The following IGSF9B variants were observed in gnomAD, a reference collection of about 807,000 sequenced individuals.
The protein encoded by IGSF9B is immunoglobulin superfamily member 9B, also known as protein turtle homolog B.
Under a neutral mutation model 143.7 loss-of-function variants are expected in IGSF9B, and 48 were observed. That is an observed-to-expected ratio of 0.33 (90% CI 0.26 to 0.42). The LOEUF is 0.42. Ranked by LOEUF, IGSF9B falls within the 20% of genes least tolerant of loss-of-function variation. IGSF9B has a pLI of 1.00. For synonymous variants in IGSF9B, 903 were observed against 833.1 expected (o/e 1.08, Z -1.44); for missense variants, 1,706 against 1,980.0 (o/e 0.86, Z 2.63).
intron 3 of IGSF9B, among the ~76,000 whole-genome samples, chr11:133,940,129 CTCGCACGCGTCA>C (rs1177758485): frequency 6.2e-5 from 9 of 146,218 alleles, no homozygotes; most frequent in African/African-American, 2.0e-4. Flanking sequence ...CTCGCACGTC[CTCGCACGCGTCA>C]TCGCACGCAA....
chr11:133,936,588 C>T (rs1045865645), intron 5 of IGSF9B, among the ~76,000 whole-genome samples: 21 of 152,310 alleles, frequency 1.4e-4, no homozygotes, highest in Admixed American at 3.9e-4. Flanking sequence ...GAGGAGTAAG[C>T]AGAGGGTGAA....
In IGSF9B at chr11:133,920,477, G is replaced by T. The variant is rs763616584; in HGVS notation, c.3248C>A (p.Thr1083Asn). Residue 1083 changes from threonine to asparagine, a missense_variant, in exon 18 of 20, where the codon ACC becomes AAC. Transcript: ENST00000533871. ...GTAGGCCGCGGGCACCTGCAGGGAG[G>T]TGGGGGGCAGTCCTCGGGGGAGGCC... ...KAGLPRGLPP[T>N]SLQVPAAYPG... is the part of the protein sequence containing the mutation. The T allele has an allele frequency of 7.6e-6, 12 of 1,574,128 alleles. No homozygotes were observed. Among genetic ancestry groups the T allele is most frequent in the Non-Finnish European group, 9.5e-6 (11 of 1,159,174 alleles).
chr11:133,910,966 A>G (rs1939293327), intron 19 of IGSF9B, among the ~76,000 whole-genome samples: 2 of 152,172 alleles, frequency 1.3e-5, no homozygotes, highest in Non-Finnish European at 2.9e-5. Flanking sequence ...CTGTAAACTG[A>G]AAGTATACTA....
rs1565439834 is a variant in IGSF9B, at chr11:133,935,780, G to A, written c.822-18C>T. On this transcript the variant is annotated intron_variant, in intron 6 of 19. Coordinates refer to ENST00000533871, the MANE Select transcript of IGSF9B (RefSeq NM_001277285.4). ...TCAGGTCGCTGCAAAGCGGCATGGG[G>A]ACAGGGGGTTGGGCGAGCAGAAGGG... The A allele has an allele frequency of 6.2e-7, 1 of 1,608,640 alleles. No individual in the cohort carries two copies. The highest frequency in any genetic ancestry group is 1.7e-5 in the Admixed American group (1 of 59,808).
At chr11:133,914,945 A>G (rs1939354538) in intron 18 of IGSF9B, among the ~76,000 whole-genome samples, 1 of 152,164 alleles carries the variant, frequency 6.6e-6, no homozygotes, top group Non-Finnish European at 1.5e-5. Context: ...CTTGGTGCCA[A>G]TGTCTCAGGT....
At chr11:133,934,446 A>G (rs1939786476) in intron 7 of IGSF9B, among the ~76,000 whole-genome samples, 1 of 151,982 alleles carries the variant, frequency 6.6e-6, no homozygotes. Flanking sequence ...TAACTTCTCA[A>G]CTCGCTTTTT....
In IGSF9B at chr11:133,902,155, ACAC is replaced by A. The variant is rs1939140617; in HGVS notation, c.*6911_*6913del. ...ATGTACCACACCAAACACACCAGAC[ACAC>A]CACACACACCAAACACACACACACC... On this transcript the variant is annotated 3_prime_UTR_variant, in exon 20 of 20. Transcript: ENST00000533871. 6.7e-5 allele frequency among the ~76,000 whole-genome samples: 10 copies of A among 150,376 alleles called. No homozygotes were observed. The highest frequency in any genetic ancestry group is 6.6e-4 in the Admixed American group (10 of 15,098).
At chr11:133,919,323 G>A (rs1438979769) in intron 18 of IGSF9B, among the ~76,000 whole-genome samples, 1 of 152,140 alleles carries the variant, frequency 6.6e-6, no homozygotes, top group East Asian at 1.9e-4. Context: ...GCAGGGGCCG[G>A]GGAAGAAAAG....
intron 3 of IGSF9B, among the ~76,000 whole-genome samples, chr11:133,940,504 T>A (rs1401928089): frequency 2.3e-5 from 3 of 128,418 alleles, no homozygotes; most frequent in Non-Finnish European, 4.7e-5. Context: ...ACCTTGCACA[T>A]CCTCGCACGC....
Position 133,909,351 on chromosome 11 carries a change from T to C in IGSF9B, c.4106-74A>G. The stretch of plus-strand genomic sequence containing the variant: ...GGAAGCACGCAGCCTGCTCACCTTT[T>C]CCACCTGCATTTGTTCCGGGTTTCT... On this transcript the variant is annotated intron_variant, in intron 19 of 19. Transcript: ENST00000533871. This position sits in a 1 kb window ranked among gnomAD's most constrained non-coding sequence, Gnocchi z 4.2. 2 of 1,162,722 alleles carry C rather than the reference T, an allele frequency of 1.7e-6. No homozygotes were observed. Among genetic ancestry groups the C allele is most frequent in the South Asian group, 1.3e-5 (1 of 75,410 alleles). 72.0% of individuals were successfully genotyped at this position (1,162,722 alleles called of 1,614,324 possible). A position where few individuals can be genotyped will look rare whatever the true frequency, so the allele number is the denominator to read the frequency against.
Position 133,925,921 on chromosome 11 carries a change from G to A in IGSF9B, c.1852C>T (p.Pro618Ser). Residue 618 changes from proline to serine, a missense_variant, in exon 14 of 20, where the codon CCG becomes TCG. By Grantham distance (74) the Pro-to-Ser change is moderately conservative. Around this residue, in one of 7 missense-constraint regions of IGSF9B, gnomAD observed 267 missense variants for 321.1 expected, o/e 0.83. Transcript: ENST00000533871. Reference protein sequence around the residue: ...TPEPLVLVTPPRCLIANRTQQ... With the variant: ...TPEPLVLVTPSRCLIANRTQQ... ...GTCCGATTGGCTATGAGGCACCTCGGTGGGGTGACCAGCACCAGGGGTTCT... is the reference window on the plus strand; with the variant it reads ...GTCCGATTGGCTATGAGGCACCTCGATGGGGTGACCAGCACCAGGGGTTCT... 1 of 1,610,048 alleles carries A rather than the reference G, an allele frequency of 6.2e-7. No individual in the cohort carries two copies. The highest frequency in any genetic ancestry group is 8.5e-7 in the Non-Finnish European group (1 of 1,178,166).
At chr11:133,922,767 T>C (rs1345256634) in intron 15 of IGSF9B, 37 bp from the exon 16 acceptor site, 2 of 1,522,584 alleles carry the variant, frequency 1.3e-6, no homozygotes, top group Admixed American at 3.9e-5. Flanking sequence ...GAGCCCATCC[T>C]TCCCCGGGAC....
chr11:133,909,316 C>A lies in IGSF9B; in HGVS notation c.4106-39G>T, dbSNP rs953237647. 2.0e-6 allele frequency: 3 copies of A among 1,486,594 alleles called. No homozygotes were observed. The highest frequency in any genetic ancestry group is 1.8e-4 in the Middle Eastern group (1 of 5,700). 92.1% of individuals were successfully genotyped at this position (1,486,594 alleles called of 1,614,324 possible). On this transcript the variant is annotated intron_variant, in intron 19 of 19. Transcript: ENST00000533871. The surrounding 1 kb of genome is among the most constrained non-coding windows in gnomAD (Gnocchi z 4.2). ...AAGAGGGACGCAAAAGAGAAGCAAG[C>A]GGATGAAAAGGAAGCACGCAGCCTG...
rs2121311532 is a variant in IGSF9B at position 133,931,806 on chromosome 11, C to T, written c.1111-11G>A. 1 of 1,611,048 alleles carries T rather than the reference C, an allele frequency of 6.2e-7. No homozygotes were observed. Among genetic ancestry groups the T allele is most frequent in the Non-Finnish European group, 8.5e-7 (1 of 1,179,192 alleles). On this transcript the variant is annotated splice_polypyrimidine_tract_variant and intron_variant, in intron 8 of 19. Transcript: ENST00000533871. This position sits in a 1 kb window ranked among gnomAD's most constrained non-coding sequence, Gnocchi z 7.7. ...GGTCCAACCGAGGTTCTGCCAGACA[C>T]AGACGATAGGGCAGGGAACGCTGGT...
rs566699166 is a variant in IGSF9B, at chr11:133,937,837, C to A, written c.534G>T (p.Thr178=). Residue 178 remains threonine, a synonymous_variant, in exon 4 of 20, where the codon ACG becomes ACT. Transcript: ENST00000533871. ...KPIVTWLKEG[T]LLGASGKYQV... is the part of the protein sequence containing the mutation. ...GGTATTTCCCACTAGCACCGAGGAG[C>A]GTCCCCTCCTTGAGCCAGGTGACAA... 1.2e-6 allele frequency: 2 copies of A among 1,610,264 alleles called. No homozygotes were observed. Among genetic ancestry groups the A allele is most frequent in the South Asian group, 1.1e-5 (1 of 90,228 alleles).
chr11:133,927,924 G>T (rs1166467083), intron 12 of IGSF9B, among the ~76,000 whole-genome samples: 1 of 152,204 alleles, frequency 6.6e-6, no homozygotes, highest in Non-Finnish European at 1.5e-5. Flanking sequence ...GCAGCGGAAA[G>T]CAGTACAAAA....
chr11:133,924,732 C>T (rs933320614), intron 15 of IGSF9B, 88 bp downstream of exon 15: 4 of 1,081,274 alleles, frequency 3.7e-6, no homozygotes, highest in Non-Finnish European at 1.4e-6. Flanking sequence ...AGCTTCTCCT[C>T]GTGGAGTAGC....
chr11:133,919,120 G>C (rs762080294), intron 18 of IGSF9B: 3 of 349,352 alleles, frequency 8.6e-6, no homozygotes, highest in South Asian at 1.9e-5. Context: ...GAGGTATACG[G>C]GGGGGGGGTG....
chr11:133,946,485 G>A (rs1430245036), intron 1 of IGSF9B, among the ~76,000 whole-genome samples: 1 of 151,990 alleles, frequency 6.6e-6, no homozygotes, highest in Non-Finnish European at 1.5e-5. Flanking sequence ...TGGGGGAAAG[G>A]AAGGGAGAGG....
Sources: allele counts gnomAD v4.1 joint callset (sites outside exome capture counted in the v4.1 genomes callset), GRCh38; gene constraint gnomAD v4.1.1; regional missense constraint gnomAD v4.1.1; non-coding constraint Gnocchi (gnomAD v3.1); transcripts MANE v1.5; gene names NCBI Gene and HGNC (gene_info 2026-07-23, HGNC 2026-07-21).